The following GRM8 variants were observed in gnomAD, a reference collection of about 807,000 sequenced individuals.
The protein encoded by GRM8 is glutamate metabotropic receptor 8, also known as metabotropic glutamate receptor 8.
Under a neutral mutation model 87.2 loss-of-function variants are expected in GRM8, and 47 were observed. The observed-to-expected ratio is 0.54, with a 90% CI of 0.43 to 0.69. The LOEUF (loss-of-function observed/expected upper bound fraction) is 0.69. Ranked by LOEUF, GRM8 falls within the 30% of genes least tolerant of loss-of-function variation. GRM8 has a pLI of 0.00. For synonymous variants in GRM8, 396 were observed against 404.5 expected, an observed-to-expected ratio of 0.98 and a Z score of 0.25; for missense variants, 1,019 against 1,139.2, an observed-to-expected ratio of 0.89 and a Z score of 1.52.
intron 9 of GRM8, among the ~76,000 whole-genome samples, chr7:126,447,521 C>A (rs35417684): frequency 0.13 from 19,075 of 151,800 alleles, 1,336 homozygotes; most frequent in Admixed American, 0.17. Flanking sequence ...GTTAGTCTTG[C>A]TAACATCTAT....
rs1021272950 is a variant in GRM8 at position 126,728,118 on chromosome 7, C to A, written c.1357+41747G>T. ...TCCACAGCCACTGCTTTAAAGGCAG[C>A]ATGAGTAATCTATCTGCCACTATCC... On this transcript the variant is annotated intron_variant, in intron 7 of 10. Transcript: ENST00000339582. Among the ~76,000 whole-genome samples the A allele has an allele frequency of 3.4e-4, 52 of 152,138 alleles. 1 individual carries two copies. The highest frequency in any genetic ancestry group is 1.1e-3 in the African/African-American group (44 of 41,444).
chr7:126,709,494 G>A (rs964206270), intron 7 of GRM8, among the ~76,000 whole-genome samples: 1 of 151,912 alleles, frequency 6.6e-6, no homozygotes, highest in Non-Finnish European at 1.5e-5. Flanking sequence ...GAAGAAGGAG[G>A]AGGGAGGAGG....
Position 127,205,302 on chromosome 7 carries a change from C to T in GRM8, c.510+37393G>A, listed in dbSNP as rs576364291. Among the ~76,000 whole-genome samples, 26 of 152,282 alleles carry T rather than the reference C, an allele frequency of 1.7e-4. 1 individual carries two copies. In the South Asian group the frequency reaches 4.4e-3, roughly 26 times the overall value. On this transcript the variant is annotated intron_variant, in intron 2 of 10. Coordinates refer to ENST00000339582, the MANE Select transcript of GRM8 (RefSeq NM_000845.3). Reference sequence around the variant, plus strand: ...CAAAACAACCTCTGGCCTCATAGAACTTTCATTCAAGGCGGTGAGATGGGA... The same window carrying T: ...CAAAACAACCTCTGGCCTCATAGAATTTTCATTCAAGGCGGTGAGATGGGA...
At chr7:126,824,712 T>A (rs1021206499) in intron 6 of GRM8, among the ~76,000 whole-genome samples, 1 of 152,222 alleles carries the variant, frequency 6.6e-6, no homozygotes, top group African/African-American at 2.4e-5. Flanking sequence ...GAGATACCAA[T>A]GGAAGTATCT....
chr7:127,227,609 A>G (rs142858334), intron 2 of GRM8, among the ~76,000 whole-genome samples: 3 of 152,314 alleles, frequency 2.0e-5, no homozygotes, highest in South Asian at 4.1e-4. Context: ...TAACATCCAA[A>G]TAAGTTCACC....
intron 6 of GRM8, among the ~76,000 whole-genome samples, chr7:126,871,740 T>C (rs1255464484): frequency 6.6e-6 from 1 of 152,208 alleles, no homozygotes; most frequent in Admixed American, 6.5e-5. Flanking sequence ...GTAGAGTTTG[T>C]AAACTATTTT....
At chr7:126,811,810 G>C (rs1283379548) in intron 6 of GRM8, among the ~76,000 whole-genome samples, 3 of 151,806 alleles carry the variant, frequency 2.0e-5, no homozygotes, top group Non-Finnish European at 4.4e-5. Context: ...CAGTGAATAG[G>C]GATAATTTGG....
intron 3 of GRM8, among the ~76,000 whole-genome samples, chr7:126,994,391 A>G (rs1812970035): frequency 6.6e-6 from 1 of 152,180 alleles, no homozygotes; most frequent in African/African-American, 2.4e-5. Context: ...TGCTGGCTTC[A>G]GCTACCAGCT....
intron 8 of GRM8, among the ~76,000 whole-genome samples, chr7:126,583,189 C>G (rs1795773038): frequency 6.6e-6 from 1 of 152,000 alleles, no homozygotes; most frequent in Non-Finnish European, 1.5e-5. Context: ...AACCCCATCT[C>G]TACTAAAAAT....
chr7:126,973,323 G>T (rs1810623302), intron 3 of GRM8, among the ~76,000 whole-genome samples: 1 of 152,178 alleles, frequency 6.6e-6, no homozygotes, highest in South Asian at 2.1e-4. Context: ...TAGAGCTTTG[G>T]AGTGAAACCC....
intron 6 of GRM8, among the ~76,000 whole-genome samples, chr7:126,839,101 A>G (rs1796046062): frequency 1.3e-5 from 2 of 152,024 alleles, no homozygotes; most frequent in Admixed American, 1.3e-4. Flanking sequence ...ACCACCATAC[A>G]CTGCATGATT....
At chr7:127,010,288 T>G (rs987882318) in intron 3 of GRM8, among the ~76,000 whole-genome samples, 12 of 152,236 alleles carry the variant, frequency 7.9e-5, no homozygotes, top group African/African-American at 2.7e-4. Context: ...TTTTTATAGT[T>G]GCCTTCTGTT....
At chr7:127,013,112 C>T (rs1334713040) in intron 3 of GRM8, among the ~76,000 whole-genome samples, 2 of 152,106 alleles carry the variant, frequency 1.3e-5, no homozygotes, top group Non-Finnish European at 2.9e-5. Context: ...ATCAGGAATG[C>T]TTTTACCTGA....
rs558936426 is a variant in GRM8, at chr7:127,167,362, AAT to A, written c.511-60652_511-60651del. On this transcript the variant is annotated intron_variant, in intron 2 of 10. Coordinates refer to ENST00000339582, the MANE Select transcript of GRM8 (RefSeq NM_000845.3). ...GTTGTGGTTACTGTTGGGTTTTAATAATATATATGCAAACTTTAAATTAGCAC... is the reference window on the plus strand; with the variant it reads ...GTTGTGGTTACTGTTGGGTTTTAATAATATATGCAAACTTTAAATTAGCAC... Among the ~76,000 whole-genome samples the A allele has an allele frequency of 5.9e-5, 9 of 152,262 alleles. No individual in the cohort carries two copies. In the South Asian group the frequency reaches 1.9e-3, roughly 32 times the overall value.
At chr7:126,591,799 T>C (rs1796694584) in intron 8 of GRM8, among the ~76,000 whole-genome samples, 1 of 150,700 alleles carries the variant, frequency 6.6e-6, no homozygotes, top group Non-Finnish European at 1.5e-5. Flanking sequence ...ATAAATAAAA[T>C]AGATATTAGA....
At chr7:126,821,418 T>C (rs146715540) in intron 6 of GRM8, among the ~76,000 whole-genome samples, 127 of 152,320 alleles carry the variant, frequency 8.3e-4, no homozygotes, top group African/African-American at 3.0e-3. Context: ...CATGTTTCCC[T>C]TTCTGTATCT....
At chr7:126,754,382 C>G (rs1396584989) in intron 7 of GRM8, among the ~76,000 whole-genome samples, 2 of 151,812 alleles carry the variant, frequency 1.3e-5, no homozygotes, top group African/African-American at 4.8e-5. Context: ...CCACAGTACT[C>G]TGAGCATATT....
chr7:126,910,278 T>A (rs571223741), intron 3 of GRM8, among the ~76,000 whole-genome samples: 1 of 151,868 alleles, frequency 6.6e-6, no homozygotes, highest in South Asian at 2.1e-4. Context: ...TAATTTTACT[T>A]TTTTTTGTTA....
At chr7:127,077,052 A>T (rs1258160812) in intron 3 of GRM8, among the ~76,000 whole-genome samples, 1 of 152,080 alleles carries the variant, frequency 6.6e-6, no homozygotes, top group Admixed American at 6.6e-5. Flanking sequence ...CTCCCTTTAT[A>T]GCCTTCGTTA....
Sources: allele counts gnomAD v4.1 joint callset (sites outside exome capture counted in the v4.1 genomes callset), GRCh38; gene constraint gnomAD v4.1.1; transcripts MANE v1.5; gene names NCBI Gene and HGNC (gene_info 2026-07-23, HGNC 2026-07-21).